CDKAL1: variants seen among roughly 807,000 people sequenced by gnomAD.
CDKAL1 encodes CDKAL1 threonylcarbamoyladenosine tRNA methylthiotransferase.
Under a neutral mutation model 68.2 loss-of-function variants are expected in CDKAL1, and 32 were observed. The ratio of observed to expected loss-of-function variants is 0.47; its 90% confidence interval spans 0.35 to 0.63. The LOEUF is 0.63. CDKAL1 is among the 30% of genes least tolerant of loss of function. The pLI, the probability that CDKAL1 is intolerant of heterozygous loss-of-function variation, is 0.00. For missense variants in CDKAL1, 606 were observed against 696.7 expected, an observed-to-expected ratio of 0.87 and a Z score of 1.47; for synonymous variants, 234 against 244.3, an observed-to-expected ratio of 0.96 and a Z score of 0.39.
chr6:20,652,232 T>G (rs189455712), intron 5 of CDKAL1, among the ~76,000 whole-genome samples: 12 of 152,312 alleles, frequency 7.9e-5, no homozygotes, highest in Admixed American at 2.0e-4. Flanking sequence ...ATAGGTGATT[T>G]TTGAGTATTT....
chr6:21,184,235 C>A (rs1213234618), intron 13 of CDKAL1, among the ~76,000 whole-genome samples: 1 of 149,636 alleles, frequency 6.7e-6, no homozygotes. Context: ...CGCTCTGTGT[C>A]CCAGGCTGGA....
intron 7 of CDKAL1, among the ~76,000 whole-genome samples, chr6:20,759,378 C>CA (rs1774368889): frequency 6.6e-6 from 1 of 151,794 alleles, no homozygotes; most frequent in Non-Finnish European, 1.5e-5. Flanking sequence ...CTCATCTCTA[C>CA]AAAAAATAGA....
chr6:20,945,908 G>A (rs1375370811), intron 9 of CDKAL1, among the ~76,000 whole-genome samples: 1 of 152,102 alleles, frequency 6.6e-6, no homozygotes, highest in Non-Finnish European at 1.5e-5. Context: ...AATTAATTTT[G>A]TTCTGAAAGA....
chr6:20,537,937 G>A (rs1763240687), intron 2 of CDKAL1, among the ~76,000 whole-genome samples: 1 of 152,144 alleles, frequency 6.6e-6, no homozygotes, highest in Non-Finnish European at 1.5e-5. Context: ...CTTATTAATA[G>A]TGATGAGTGA....
At chr6:21,087,644 T>A (rs574823345) in intron 12 of CDKAL1, among the ~76,000 whole-genome samples, 55 of 152,310 alleles carry the variant, frequency 3.6e-4, no homozygotes, top group African/African-American at 1.2e-3. Flanking sequence ...GGACACCAAA[T>A]AAGTAGTTTC....
chr6:20,672,804 T>A (rs1424765261), intron 5 of CDKAL1, among the ~76,000 whole-genome samples: 2 of 152,160 alleles, frequency 1.3e-5, no homozygotes, highest in African/African-American at 4.8e-5. Context: ...TGAGACAGAG[T>A]TTCACTCTGT....
intron 8 of CDKAL1, among the ~76,000 whole-genome samples, chr6:20,828,797 C>T (rs1292996576): frequency 1.3e-5 from 2 of 152,102 alleles, no homozygotes; most frequent in Non-Finnish European, 2.9e-5. Context: ...CACTATCCAC[C>T]TCCAGAACTT....
chr6:20,818,976 T>C (rs2150437422), intron 8 of CDKAL1, among the ~76,000 whole-genome samples: 1 of 152,228 alleles, frequency 6.6e-6, no homozygotes, highest in South Asian at 2.1e-4. Flanking sequence ...TCATGGATAA[T>C]ACAAGTGCTT....
chr6:21,034,705 T>C (rs890687002), intron 11 of CDKAL1, among the ~76,000 whole-genome samples: 2 of 152,188 alleles, frequency 1.3e-5, no homozygotes, highest in African/African-American at 4.8e-5. Context: ...GACTTGTTCG[T>C]GTGAATATAG....
chr6:20,556,711 G>A (rs142612820), intron 4 of CDKAL1, among the ~76,000 whole-genome samples: 59 of 152,126 alleles, frequency 3.9e-4, no homozygotes, highest in Non-Finnish European at 5.2e-4. Flanking sequence ...AAAACAAAAT[G>A]TTAACTTAGG....
chr6:21,016,333 T>C (rs1486767650), intron 11 of CDKAL1, among the ~76,000 whole-genome samples: 4 of 152,180 alleles, frequency 2.6e-5, no homozygotes. Context: ...TTTTACCTAC[T>C]GTACTTCACT....
chr6:20,809,870 T>C (rs60342931), intron 8 of CDKAL1, among the ~76,000 whole-genome samples: 17,617 of 152,236 alleles, frequency 0.12, 1,143 homozygotes, highest in African/African-American at 0.15. Context: ...CCTTAAGATA[T>C]TTTTACTTTT....
At chr6:20,999,232 T>C (rs936992352) in intron 10 of CDKAL1, among the ~76,000 whole-genome samples, 6 of 152,162 alleles carry the variant, frequency 3.9e-5, no homozygotes, top group African/African-American at 1.2e-4. Flanking sequence ...CTTTTCACTT[T>C]TCTTTTTCTT....
chr6:21,185,493 ACTAC>A (rs2151090870), intron 13 of CDKAL1, among the ~76,000 whole-genome samples: 1 of 152,318 alleles, frequency 6.6e-6, no homozygotes, highest in East Asian at 1.9e-4. Context: ...GTATACAAAA[ACTAC>A]CTACATGCTC....
chr6:21,040,782 T>A (rs536186581), intron 11 of CDKAL1, among the ~76,000 whole-genome samples: 7 of 152,324 alleles, frequency 4.6e-5, no homozygotes, highest in African/African-American at 1.7e-4. Flanking sequence ...AAAATTAGTG[T>A]ACAGAAATTA....
intron 12 of CDKAL1, 95 bp from the exon 13 acceptor site, chr6:21,108,306 T>G: frequency 2.9e-6 from 2 of 686,810 alleles, no homozygotes; most frequent in Non-Finnish European, 4.8e-6. Flanking sequence ...AAACTTTATG[T>G]ATGTAGAGAT....
rs181880637 is a variant in CDKAL1, at chr6:20,785,435, C to T, written c.638+4170C>T. ...GGTTCAATTGATTCTTCTGCCTCAG[C>T]CTCCTGAGTAGCTGGGACTTCAGGC... is the stretch of plus-strand genomic sequence containing the variant. On this transcript the variant is annotated intron_variant, in intron 8 of 15. Transcript: ENST00000274695. Among the ~76,000 whole-genome samples, 414 of 151,944 alleles carry T rather than the reference C, an allele frequency of 2.7e-3. 1 individual carries two copies. The highest frequency in any genetic ancestry group is 9.7e-3 in the African/African-American group (403 of 41,430).
chr6:21,153,980 G>A (rs564892759), intron 13 of CDKAL1, among the ~76,000 whole-genome samples: 5 of 152,102 alleles, frequency 3.3e-5, no homozygotes, highest in African/African-American at 9.7e-5. Context: ...ATGACATCTG[G>A]GTCTCATAGA....
At chr6:21,167,411 C>T (rs1582341172) in intron 13 of CDKAL1, among the ~76,000 whole-genome samples, 1 of 152,126 alleles carries the variant, frequency 6.6e-6, no homozygotes, top group Non-Finnish European at 1.5e-5. Flanking sequence ...TATTAGAAAA[C>T]ACTTAATTAG....
Sources: gnomAD v4.1 joint callset for allele counts (sites outside exome capture counted in the v4.1 genomes callset) on GRCh38, gnomAD v4.1.1 for gene constraint, MANE v1.5 for transcripts, NCBI Gene and HGNC (gene_info 2026-07-23, HGNC 2026-07-21) for gene names.